The following PPP1R12B variants were observed in gnomAD, a reference collection of about 807,000 sequenced individuals.
PPP1R12B encodes myosin phosphatase target subunit 2.
In PPP1R12B, 76 loss-of-function variants were observed where a neutral mutation model predicts 126.1. That is an observed-to-expected ratio of 0.60 (90% CI 0.50 to 0.73). The LOEUF is 0.73. PPP1R12B is among the 30% of genes least tolerant of loss of function. The pLI is 0.00. For synonymous variants in PPP1R12B, 356 were observed against 434.7 expected (o/e 0.82, Z 2.25); for missense variants, 1,052 against 1,205.1 (o/e 0.87, Z 1.88).
intron 13 of PPP1R12B, among the ~76,000 whole-genome samples, chr1:202,482,428 T>C (rs1677512532): frequency 6.6e-6 from 1 of 152,216 alleles, no homozygotes; most frequent in Non-Finnish European, 1.5e-5. Flanking sequence ...ATAATGGTCA[T>C]TCTAAGTGGT....
At chr1:202,555,347 A>AAAAAAAAAAAAAAAAGC (rs1686795669) in intron 18 of PPP1R12B, among the ~76,000 whole-genome samples, 1 of 143,816 alleles carries the variant, frequency 7.0e-6, no homozygotes, top group Non-Finnish European at 1.5e-5. Flanking sequence ...AAAAAAAAAA[A>AAAAAAAAAAAAAAAAGC]AAAAAAGCTT....
chr1:202,483,319 G>A (rs997011687), intron 13 of PPP1R12B, among the ~76,000 whole-genome samples: 14 of 125,974 alleles, frequency 1.1e-4, no homozygotes, highest in South Asian at 2.5e-4. Flanking sequence ...TTGCTCTGTC[G>A]CCCAGGCCAG....
intron 21 of PPP1R12B, among the ~76,000 whole-genome samples, chr1:202,566,642 T>A (rs1688076819): frequency 6.6e-6 from 1 of 152,220 alleles, no homozygotes; most frequent in African/African-American, 2.4e-5. Flanking sequence ...TACGAGGATA[T>A]TAACAAGCTG....
intron 13 of PPP1R12B, among the ~76,000 whole-genome samples, chr1:202,461,310 C>T (rs1674284514): frequency 6.6e-6 from 1 of 151,974 alleles, no homozygotes; most frequent in Admixed American, 6.6e-5. Context: ...TAATGCTTAC[C>T]TTGTTTGCAT....
chr1:202,413,184 T>G (rs1667628013), intron 1 of PPP1R12B, among the ~76,000 whole-genome samples: 1 of 151,998 alleles, frequency 6.6e-6, no homozygotes, highest in Admixed American at 6.6e-5. Flanking sequence ...GATTGACAGT[T>G]TTAGCTAATC....
Position 202,430,811 on chromosome 1 carries a change from G to C in PPP1R12B, c.1001+1G>C. 6.2e-7 allele frequency: 1 copy of C among 1,611,468 alleles called. No individual in the cohort carries two copies. The highest frequency in any genetic ancestry group is 8.5e-7 in the Non-Finnish European group (1 of 1,178,292). ...AGATTCAGAGTGGGTTCTTTAAGAA[G>C]TAAGACATTTAGGCTTGAGTAATGG... On this transcript the variant is annotated splice_donor_variant, in intron 7 of 23. Coordinates refer to ENST00000608999, the MANE Select transcript of PPP1R12B (RefSeq NM_002481.4). LOFTEE classifies it high-confidence loss of function.
chr1:202,563,557 G>GA (rs1369323294), intron 20 of PPP1R12B, among the ~76,000 whole-genome samples: 1 of 146,242 alleles, frequency 6.8e-6, no homozygotes, highest in Non-Finnish European at 1.5e-5. Context: ...TTGGTAGACT[G>GA]TTATTTTTAA....
intron 13 of PPP1R12B, among the ~76,000 whole-genome samples, chr1:202,460,334 C>T (rs1674153954): frequency 6.6e-6 from 1 of 152,160 alleles, no homozygotes; most frequent in Non-Finnish European, 1.5e-5. Context: ...ACTTATGGAC[C>T]TTCTTCAGTC....
At chr1:202,515,980 GTTTAAT>G (rs775921562) in intron 18 of PPP1R12B, among the ~76,000 whole-genome samples, 5 of 152,168 alleles carry the variant, frequency 3.3e-5, no homozygotes, top group Non-Finnish European at 7.3e-5. Flanking sequence ...CTGAAACCAA[GTTTAAT>G]TCAAGTCCCT....
chr1:202,552,362 G>T (rs892306798), intron 18 of PPP1R12B, among the ~76,000 whole-genome samples: 3 of 152,172 alleles, frequency 2.0e-5, no homozygotes, highest in African/African-American at 7.2e-5. Flanking sequence ...TTTGAATTAT[G>T]AAGAAATCTT....
intron 23 of PPP1R12B, chr1:202,576,748 G>C (rs966574829): frequency 1.3e-5 from 2 of 151,508 alleles, no homozygotes; most frequent in Non-Finnish European, 2.9e-5. Context: ...CTTAACAGTT[G>C]TCATTTATTT....
At chr1:202,350,684 G>T (rs541082755) in intron 1 of PPP1R12B, among the ~76,000 whole-genome samples, 16 of 151,440 alleles carry the variant, frequency 1.1e-4, no homozygotes, top group African/African-American at 3.9e-4. Context: ...GCAATGGCGA[G>T]ATCTTGGCTC....
intron 1 of PPP1R12B, among the ~76,000 whole-genome samples, chr1:202,399,574 G>A (rs1445045638): frequency 1.3e-5 from 2 of 151,028 alleles, no homozygotes; most frequent in African/African-American, 4.9e-5. Context: ...TTGGCTCACT[G>A]CAAGCTCCAC....
At chr1:202,557,724 T>A (rs1317427714) in intron 18 of PPP1R12B, among the ~76,000 whole-genome samples, 1 of 152,238 alleles carries the variant, frequency 6.6e-6, no homozygotes, top group African/African-American at 2.4e-5. Flanking sequence ...GGTTAGGACA[T>A]GTACATTTTG....
chr1:202,363,612 G>A (rs1423430900), intron 1 of PPP1R12B, among the ~76,000 whole-genome samples: 4 of 152,210 alleles, frequency 2.6e-5, no homozygotes, highest in Non-Finnish European at 5.9e-5. Context: ...CCACTAGGGT[G>A]AAAGACTATT....
chr1:202,472,068 C>G, intron 13 of PPP1R12B: 1 of 1,592,918 alleles, frequency 6.3e-7, no homozygotes, highest in Non-Finnish European at 8.5e-7. Context: ...CTTGTGTTTC[C>G]TCTTCTCCTC....
intron 18 of PPP1R12B, among the ~76,000 whole-genome samples, chr1:202,538,716 C>T (rs144820827): frequency 5.9e-5 from 9 of 152,310 alleles, no homozygotes; most frequent in Non-Finnish European, 1.0e-4. Context: ...GTAGTGGTAA[C>T]AACAAAGTGC....
At chr1:202,540,212 T>C in intron 18 of PPP1R12B, 1 of 1,610,032 alleles carries the variant, frequency 6.2e-7, no homozygotes, top group Non-Finnish European at 8.5e-7. Context: ...TCCCCCAGCA[T>C]CTCCCTCCCC....
Position 202,438,198 on chromosome 1 carries a change from A to C in PPP1R12B, c.1458+174A>C. ...TTATTCAAGTAGCTATTTGCTTGCTATTGTTTGCTTGACCAAAAAAGAAAA... is the reference window on the plus strand; with the variant it reads ...TTATTCAAGTAGCTATTTGCTTGCTCTTGTTTGCTTGACCAAAAAAGAAAA... On this transcript the variant is annotated intron_variant, in intron 10 of 23. Transcript: ENST00000608999. The C allele has an allele frequency of 1.0e-5, 16 of 1,561,242 alleles. 1 individual carries two copies. The South Asian group carries it at 1.9e-4, about 18-fold the overall frequency.
Sources: gnomAD v4.1 joint callset for allele counts (sites outside exome capture counted in the v4.1 genomes callset) on GRCh38, gnomAD v4.1.1 for gene constraint, MANE v1.5 for transcripts, NCBI Gene and HGNC (gene_info 2026-07-23, HGNC 2026-07-21) for gene names.